The following NETO1 variants were observed in gnomAD, a reference collection of about 807,000 sequenced individuals.
The protein encoded by NETO1 is neuropilin and tolloid-like protein 1.
NETO1 carries 26 observed loss-of-function variants against 61.3 expected under a neutral mutation model. The observed-to-expected ratio is 0.42, with a 90% CI of 0.31 to 0.59. NETO1 has a LOEUF of 0.59. Ranked by LOEUF, NETO1 falls within the 20% of genes least tolerant of loss-of-function variation. NETO1 has a pLI of 0.12. For synonymous variants in NETO1, 225 were observed against 225.8 expected, an observed-to-expected ratio of 1.00 and a Z score of 0.03; for missense variants, 531 against 662.8, an observed-to-expected ratio of 0.80 and a Z score of 2.18.
chr18:72,846,642 A>ATTTTTTTATAATC (rs2074098488), intron 4 of NETO1, among the ~76,000 whole-genome samples: 1 of 150,426 alleles, frequency 6.6e-6, no homozygotes, highest in Non-Finnish European at 1.5e-5. Flanking sequence ...GCATATTTGT[A>ATTTTTTTATAATC]TTTTTTTATA....
At position 72,865,029 on chromosome 18, in the gene NETO1, C is replaced by G. The variant is rs1048852847; in HGVS notation, c.83-84G>C. ...AAAATAGAGGACATTCTTATAATAT[C>G]CATTAGTAAATTAATTTTTAAATGT... is the stretch of plus-strand genomic sequence containing the variant. On this transcript the variant is annotated intron_variant, in intron 2 of 10. Transcript: ENST00000327305. The G allele has an allele frequency of 4.1e-6, 6 of 1,466,660 alleles. No individual in the cohort carries two copies. The South Asian group carries it at 5.1e-5, about 12-fold the overall frequency. The allele number at this position is 1,466,660 out of a possible 1,614,324, so 90.9% of individuals were successfully genotyped here.
chr18:72,779,427 G>A (rs2071665580), intron 7 of NETO1, among the ~76,000 whole-genome samples: 2 of 151,986 alleles, frequency 1.3e-5, no homozygotes, highest in African/African-American at 4.8e-5. Flanking sequence ...CAACAAAAAT[G>A]TAAGCCAAAA....
intron 8 of NETO1, among the ~76,000 whole-genome samples, chr18:72,753,556 G>A (rs79436432): frequency 0.02 from 3,046 of 152,236 alleles, 103 homozygotes; most frequent in African/African-American, 0.07. Flanking sequence ...AGTTCATGTT[G>A]AAAACCAGTG....
intron 7 of NETO1, 52 bp from the exon 8 acceptor site, chr18:72,756,199 T>C (rs770201152): frequency 6.0e-6 from 5 of 831,266 alleles, no homozygotes; most frequent in Admixed American, 2.0e-5. Flanking sequence ...TGACATTCAG[T>C]AGTAAATCAC....
chr18:72,793,297 T>C (rs1265836446), intron 6 of NETO1, among the ~76,000 whole-genome samples: 2 of 152,184 alleles, frequency 1.3e-5, no homozygotes, highest in East Asian at 3.9e-4. Flanking sequence ...AATGAACAAA[T>C]AACATCTTAG....
At chr18:72,792,326 A>G (rs866812029) in intron 6 of NETO1, among the ~76,000 whole-genome samples, 10 of 152,206 alleles carry the variant, frequency 6.6e-5, no homozygotes, top group South Asian at 2.1e-4. Context: ...TTCCCGAAGC[A>G]AGAAAATCGC....
chr18:72,860,188 G>A (rs149409745), intron 3 of NETO1, among the ~76,000 whole-genome samples: 1 of 152,242 alleles, frequency 6.6e-6, no homozygotes, highest in East Asian at 1.9e-4. Context: ...TATGTATCCC[G>A]GTTAGTAAAC....
chr18:72,847,533 A>C (rs1431161850), intron 4 of NETO1, among the ~76,000 whole-genome samples: 2 of 152,210 alleles, frequency 1.3e-5, no homozygotes, highest in African/African-American at 2.4e-5. Flanking sequence ...ACAAACAAAA[A>C]CACCACTGTC....
chr18:72,750,248 G>T lies in NETO1; in HGVS notation c.1355C>A (p.Ala452Asp). The T allele has an allele frequency of 6.2e-7, 1 of 1,614,126 alleles. No homozygotes were observed. The highest frequency in any genetic ancestry group is 8.5e-7 in the Non-Finnish European group (1 of 1,179,996). Reference protein sequence around the residue: ...GSRSNLSTRDASILTEMPTQP... With the variant: ...GSRSNLSTRDDSILTEMPTQP... The stretch of plus-strand genomic sequence containing the variant: ...TGTGGGCATCTCTGTCAAGATAGAA[G>T]CATCTCTTGTGCTGAGGTTACTGCG... Residue 452 changes from alanine (A) to aspartate (D), a missense_variant, in exon 9 of 11, where the codon GCT becomes GAT. Transcript: ENST00000327305.
chr18:72,835,225 A>G (rs2073705310), intron 4 of NETO1: 2 of 1,477,938 alleles, frequency 1.4e-6, no homozygotes, highest in African/African-American at 1.4e-5. Context: ...TGTTAGATCA[A>G]CGTTCTGGGC....
intron 6 of NETO1, among the ~76,000 whole-genome samples, chr18:72,786,293 G>A (rs184127878): frequency 4.6e-5 from 7 of 152,258 alleles, no homozygotes; most frequent in African/African-American, 9.6e-5. Flanking sequence ...AGGACAAGAC[G>A]AAATGTTGCA....
chr18:72,812,609 G>A (rs1175723776), intron 4 of NETO1, among the ~76,000 whole-genome samples: 2 of 151,838 alleles, frequency 1.3e-5, no homozygotes, highest in East Asian at 1.9e-4. Context: ...CTCAATTCCT[G>A]GTATATTTTC....
chr18:72,804,816 C>T (rs898743392), intron 4 of NETO1, among the ~76,000 whole-genome samples: 2 of 152,158 alleles, frequency 1.3e-5, no homozygotes, highest in South Asian at 4.1e-4. Flanking sequence ...ACAGGATAGT[C>T]TTAGAAAACA....
chr18:72,807,986 C>T (rs776112430), intron 4 of NETO1, among the ~76,000 whole-genome samples: 6 of 150,846 alleles, frequency 4.0e-5, no homozygotes, highest in Non-Finnish European at 8.9e-5. Context: ...ATCTCCTGAG[C>T]CATCTTTTTC....
At chr18:72,774,111 T>C (rs866314408) in intron 7 of NETO1, among the ~76,000 whole-genome samples, 1 of 152,156 alleles carries the variant, frequency 6.6e-6, no homozygotes, top group Non-Finnish European at 1.5e-5. Context: ...TATATGTCTG[T>C]TTTTAACAGA....
intron 9 of NETO1, among the ~76,000 whole-genome samples, chr18:72,749,613 T>C (rs1273199355): frequency 6.6e-6 from 1 of 152,112 alleles, no homozygotes; most frequent in Non-Finnish European, 1.5e-5. Context: ...GAAAAATATG[T>C]TATTTTGGGA....
chr18:72,768,135 T>A (rs58891676), intron 7 of NETO1, among the ~76,000 whole-genome samples: 3 of 152,238 alleles, frequency 2.0e-5, no homozygotes, highest in African/African-American at 7.2e-5. Context: ...CTGAAATGGC[T>A]ACTTTGTGAT....
chr18:72,779,814 G>C (rs1281797187), intron 7 of NETO1, among the ~76,000 whole-genome samples: 1 of 152,122 alleles, frequency 6.6e-6, no homozygotes, highest in Non-Finnish European at 1.5e-5. Flanking sequence ...CAATAAATTA[G>C]GTGGCTTATA....
chr18:72,815,042 T>A (rs912076606), intron 4 of NETO1, among the ~76,000 whole-genome samples: 3 of 152,178 alleles, frequency 2.0e-5, no homozygotes, highest in African/African-American at 4.8e-5. Flanking sequence ...ATTTACAGTT[T>A]TAAATCCCTG....
Sources: gnomAD v4.1 joint callset for allele counts (sites outside exome capture counted in the v4.1 genomes callset) on GRCh38, gnomAD v4.1.1 for gene constraint, MANE v1.5 for transcripts, NCBI Gene and HGNC (gene_info 2026-07-23, HGNC 2026-07-21) for gene names.